Variants in SMARCA2 observed in about 807,000 individuals in gnomAD.
SMARCA2 encodes the protein SWI/SNF-related matrix-associated actin-dependent regulator of chromatin subfamily A member 2.
A neutral mutation model predicts 199.8 loss-of-function variants in SMARCA2; 61 were observed. The observed-to-expected ratio is 0.31, with a 90% CI of 0.25 to 0.38. The LOEUF (loss-of-function observed/expected upper bound fraction) is 0.38, where lower values mean the gene tolerates loss of function less well. SMARCA2 is among the 10% of genes least tolerant of loss of function. The pLI is 1.00. For synonymous variants in SMARCA2, 935 were observed against 732.0 expected, an observed-to-expected ratio of 1.28 and a Z score of -4.48; for missense variants, 1,344 against 2,012.2, an observed-to-expected ratio of 0.67 and a Z score of 6.35.
intron 31 of SMARCA2, among the ~76,000 whole-genome samples, chr9:2,183,092 CA>C (rs1827171884): frequency 6.6e-6 from 1 of 152,142 alleles, no homozygotes; most frequent in East Asian, 1.9e-4. Context: ...TGCCAGGCCT[CA>C]AAGCTTATAT....
chr9:2,171,714 A>G (rs2129741224), intron 29 of SMARCA2, among the ~76,000 whole-genome samples: 1 of 152,324 alleles, frequency 6.6e-6, no homozygotes, highest in East Asian at 1.9e-4. Flanking sequence ...TTAAATAATC[A>G]ACCAACTTGG....
At chr9:2,109,119 C>G (rs1822879700) in intron 23 of SMARCA2, among the ~76,000 whole-genome samples, 2 of 152,164 alleles carry the variant, frequency 1.3e-5, no homozygotes, top group South Asian at 4.1e-4. Flanking sequence ...ATTTCATTAG[C>G]TATAGTCACT....
intron 29 of SMARCA2, among the ~76,000 whole-genome samples, chr9:2,174,242 G>C (rs941064584): frequency 6.6e-6 from 1 of 152,106 alleles, no homozygotes; most frequent in African/African-American, 2.4e-5. Context: ...AGGAGGCTCA[G>C]CTGGAAATAA....
At chr9:2,042,499 C>G (rs964171137) in intron 4 of SMARCA2, 1 of 152,102 alleles carries the variant, frequency 6.6e-6, no homozygotes, top group African/African-American at 2.4e-5. Context: ...TTTGAGAAAC[C>G]TTTTTCATCC....
chr9:2,128,239 C>A (rs1823784314), intron 27 of SMARCA2, among the ~76,000 whole-genome samples: 1 of 152,232 alleles, frequency 6.6e-6, no homozygotes, highest in Non-Finnish European at 1.5e-5. Context: ...CTGATCTCAG[C>A]ATATAGCTGC....
chr9:2,018,946 C>A (rs535828719), intron 1 of SMARCA2, among the ~76,000 whole-genome samples: 1 of 152,330 alleles, frequency 6.6e-6, no homozygotes, highest in South Asian at 2.1e-4. Flanking sequence ...AGATTTGAAT[C>A]CTAGTTGCTG....
chr9:2,177,447 G>A (rs1227562902), intron 29 of SMARCA2, among the ~76,000 whole-genome samples: 1 of 151,978 alleles, frequency 6.6e-6, no homozygotes, highest in Non-Finnish European at 1.5e-5. Flanking sequence ...AGATCAGCTT[G>A]AGCAGGTAAA....
At chr9:2,058,258 A>C in intron 7 of SMARCA2, 33 bp from the exon 8 acceptor site, 1 of 1,595,544 alleles carries the variant, frequency 6.3e-7, no homozygotes, top group Non-Finnish European at 8.6e-7. Flanking sequence ...TTGGATTTTA[A>C]GTATCCTTTT....
At chr9:2,079,336 C>T (rs562160542) in intron 14 of SMARCA2, among the ~76,000 whole-genome samples, 3 of 152,258 alleles carry the variant, frequency 2.0e-5, no homozygotes, top group East Asian at 1.9e-4. Context: ...GTAAGACTAG[C>T]GTCTTCTAGA....
At chr9:2,155,574 C>T (rs115612684) in intron 27 of SMARCA2, among the ~76,000 whole-genome samples, 1,717 of 152,232 alleles carry the variant, frequency 0.011, 29 homozygotes, top group African/African-American at 0.038. Context: ...AGCCACTGCG[C>T]GGGGGCATTT....
intron 19 of SMARCA2, 164 bp from the exon 20 acceptor site, chr9:2,096,493 C>G: frequency 1.8e-6 from 1 of 571,348 alleles, no homozygotes; most frequent in Non-Finnish European, 3.1e-6. Context: ...AATGATGACT[C>G]TGGTCTCTTC....
chr9:2,082,338 TG>T (rs1821603735), intron 15 of SMARCA2, among the ~76,000 whole-genome samples: 1 of 146,584 alleles, frequency 6.8e-6, no homozygotes, highest in African/African-American at 2.6e-5. Flanking sequence ...TGTGTGTGTG[TG>T]TGTGTGTGTG....
intron 1 of SMARCA2, among the ~76,000 whole-genome samples, chr9:2,024,052 CT>C (rs1818717212): frequency 6.6e-6 from 1 of 151,834 alleles, no homozygotes; most frequent in South Asian, 2.1e-4. Context: ...GTAAAGTGAG[CT>C]GTGAAAAAAG....
chr9:2,087,135 C>A, intron 18 of SMARCA2, 64 bp downstream of exon 18: 1 of 1,590,962 alleles, frequency 6.3e-7, no homozygotes. Context: ...GGCCCTAAAG[C>A]TGAGAACATT....
rs758373035 is a variant in SMARCA2 at position 2,076,335 on chromosome 9, T to C, written c.2036+6T>C. On this transcript the variant is annotated splice_donor_region_variant and intron_variant, in intron 13 of 33. Coordinates refer to ENST00000349721, the MANE Select transcript of SMARCA2 (RefSeq NM_003070.5). ...GATGCTAAGCAGATCATTGAGTATG[T>C]ACTGCATTTTTCCCTTGGAAATGCA... 2 of 1,494,190 alleles carry C rather than the reference T, an allele frequency of 1.3e-6. No individual in the cohort carries two copies. Among genetic ancestry groups the C allele is most frequent in the Non-Finnish European group, 1.9e-6 (2 of 1,072,362 alleles). The allele number at this position is 1,494,190 out of a possible 1,614,324, so 92.6% of individuals were successfully genotyped here.
rs758088624 is a variant in SMARCA2 at position 2,104,700 on chromosome 9, G to A, written c.3292+531G>A. Among the ~76,000 whole-genome samples, 4 of 152,116 alleles carry A rather than the reference G, an allele frequency of 2.6e-5. No individual in the cohort carries two copies. Among genetic ancestry groups the A allele is most frequent in the Non-Finnish European group, 5.9e-5 (4 of 68,028 alleles). On this transcript the variant is annotated intron_variant, in intron 23 of 33. Transcript: ENST00000349721. The surrounding 1 kb of genome is among the most constrained non-coding windows in gnomAD (Gnocchi z 4.0). ...TTGTTTCCTGGATTTTGCAAGCTAT[G>A]TAAAATATTTGCCTGGTTTTAAGAG...
At chr9:2,107,565 A>C (rs1002086385) in intron 23 of SMARCA2, among the ~76,000 whole-genome samples, 1 of 152,040 alleles carries the variant, frequency 6.6e-6, no homozygotes, top group African/African-American at 2.4e-5. Context: ...TGATCCGCCC[A>C]CCTTGGCCTC....
chr9:2,031,592 G>T (rs1462941012), intron 2 of SMARCA2, among the ~76,000 whole-genome samples: 5 of 152,090 alleles, frequency 3.3e-5, no homozygotes, highest in Non-Finnish European at 7.4e-5. Context: ...TATCTCTTCT[G>T]ATCCCTTCAT....
intron 14 of SMARCA2, chr9:2,080,049 G>A (rs1821499590): frequency 1.3e-5 from 2 of 152,284 alleles, no homozygotes; most frequent in East Asian, 1.9e-4. Context: ...ATGTCCGCCT[G>A]ATGAGATCTC....
Sources: allele counts gnomAD v4.1 joint callset (sites outside exome capture counted in the v4.1 genomes callset), GRCh38; gene constraint gnomAD v4.1.1; non-coding constraint Gnocchi (gnomAD v3.1); transcripts MANE v1.5; gene names NCBI Gene and HGNC (gene_info 2026-07-23, HGNC 2026-07-21).